ZNF385D: variants seen among roughly 807,000 people sequenced by gnomAD.
ZNF385D encodes the protein zinc finger protein 659.
ZNF385D carries 15 observed loss-of-function variants against 35.8 expected under a neutral mutation model. The ratio of observed to expected loss-of-function variants is 0.42; its 90% CI spans 0.28 to 0.64. ZNF385D has a LOEUF of 0.64. ZNF385D is among the 30% of genes least tolerant of loss of function. ZNF385D has a pLI of 0.23. For synonymous variants in ZNF385D, 212 were observed against 186.8 expected, an observed-to-expected ratio of 1.13 and a Z score of -1.10; for missense variants, 474 against 494.6, an observed-to-expected ratio of 0.96 and a Z score of 0.39.
chr3:21,820,067 G>A (rs1005841921), intron 3 of ZNF385D, among the ~76,000 whole-genome samples: 38 of 151,104 alleles, frequency 2.5e-4, no homozygotes, highest in Admixed American at 5.3e-4. Flanking sequence ...TAAAATATGT[G>A]AATAAAATAT....
At chr3:21,533,668 G>A (rs973284450) in intron 3 of ZNF385D, among the ~76,000 whole-genome samples, 14 of 152,038 alleles carry the variant, frequency 9.2e-5, no homozygotes, top group Non-Finnish European at 1.6e-4. Flanking sequence ...GATTAGAAAG[G>A]AAGAGACAGA....
chr3:21,887,755 G>C (rs1324456321), intron 3 of ZNF385D, among the ~76,000 whole-genome samples: 1 of 152,084 alleles, frequency 6.6e-6, no homozygotes, highest in African/African-American at 2.4e-5. Context: ...GCTCTAGGGA[G>C]TCTTAAATAA....
intron 2 of ZNF385D, among the ~76,000 whole-genome samples, chr3:21,607,049 C>T (rs1332350042): frequency 6.6e-6 from 1 of 152,166 alleles, no homozygotes; most frequent in Non-Finnish European, 1.5e-5. Context: ...TTCTGAGGCA[C>T]TTACAGAGTA....
At chr3:22,372,631 T>A in exon 2 of ZNF385D, 2 of 444,696 alleles carry the variant, frequency 4.5e-6, no homozygotes, top group Non-Finnish European at 6.0e-6. Flanking sequence ...ACGGCGGTGG[T>A]CGCCGCGAGC....
intron 3 of ZNF385D, among the ~76,000 whole-genome samples, chr3:21,554,871 A>G (rs1024808192): frequency 1.3e-5 from 2 of 152,186 alleles, no homozygotes; most frequent in African/African-American, 4.8e-5. Context: ...TCATAGAATT[A>G]AAGAGAGTTA....
At chr3:21,938,027 A>C (rs781116842) in intron 3 of ZNF385D, among the ~76,000 whole-genome samples, 4 of 152,200 alleles carry the variant, frequency 2.6e-5, no homozygotes, top group Non-Finnish European at 5.9e-5. Context: ...CGAAATCTCT[A>C]CGTAACAAAG....
At chr3:21,430,370 CAG>C (rs1701237227) in intron 5 of ZNF385D, among the ~76,000 whole-genome samples, 1 of 152,010 alleles carries the variant, frequency 6.6e-6, no homozygotes, top group Non-Finnish European at 1.5e-5. Context: ...AAGTCTAAAA[CAG>C]AGGAAAAAAT....
intron 2 of ZNF385D, among the ~76,000 whole-genome samples, chr3:22,207,476 C>A (rs781644960): frequency 2.0e-5 from 3 of 151,920 alleles, no homozygotes; most frequent in Non-Finnish European, 4.4e-5. Context: ...AGACCTCAAA[C>A]CATGAAACTA....
intron 3 of ZNF385D, among the ~76,000 whole-genome samples, chr3:21,531,190 A>G (rs2061913920): frequency 6.6e-6 from 1 of 152,016 alleles, no homozygotes; most frequent in African/African-American, 2.4e-5. Flanking sequence ...AAAAAAGGCA[A>G]ATTAAAACAA....
chr3:21,939,037 G>T (rs1701392512), intron 3 of ZNF385D, among the ~76,000 whole-genome samples: 1 of 152,158 alleles, frequency 6.6e-6, no homozygotes, highest in South Asian at 2.1e-4. Context: ...TCACATTGAT[G>T]GGGCAGGTTT....
chr3:22,201,124 T>C (rs1378521327), intron 2 of ZNF385D, among the ~76,000 whole-genome samples: 1 of 152,140 alleles, frequency 6.6e-6, no homozygotes, highest in Non-Finnish European at 1.5e-5. Context: ...TAAGTGTCCA[T>C]GAAATCTTTA....
At chr3:21,699,900 T>G (rs2067615513) in intron 1 of ZNF385D, among the ~76,000 whole-genome samples, 2 of 150,388 alleles carry the variant, frequency 1.3e-5, no homozygotes, top group South Asian at 4.3e-4. Context: ...GGTGCGATCT[T>G]GGCTCACTAC....
intron 3 of ZNF385D, among the ~76,000 whole-genome samples, chr3:22,027,148 T>C (rs1343381607): frequency 6.6e-6 from 1 of 152,220 alleles, no homozygotes; most frequent in Non-Finnish European, 1.5e-5. Context: ...CAGATACTCC[T>C]TCTAAGGTGA....
intron 3 of ZNF385D, among the ~76,000 whole-genome samples, chr3:21,773,628 C>T (rs1241455676): frequency 6.6e-6 from 1 of 151,918 alleles, no homozygotes; most frequent in African/African-American, 2.4e-5. Flanking sequence ...ACAGACACTT[C>T]TCAAAAGACT....
Position 22,301,387 on chromosome 3 carries a change from T to C in ZNF385D, c.106+71063A>G, listed in dbSNP as rs191101725. 1.5e-4 allele frequency among the ~76,000 whole-genome samples: 23 copies of C among 152,156 alleles called. No individual in the cohort carries two copies. The East Asian group carries it at 4.4e-3, about 29-fold the overall frequency. Reference sequence around the variant, plus strand: ...AGATGGTGACTATAGTTAATAACAATGTATTGTATTCTTAAAAATTGCGAG... The same window carrying C: ...AGATGGTGACTATAGTTAATAACAACGTATTGTATTCTTAAAAATTGCGAG... On this transcript the variant is annotated intron_variant, in intron 2 of 5. Transcript: ENST00000494108.
chr3:21,934,792 A>T (rs1183632470), intron 3 of ZNF385D, among the ~76,000 whole-genome samples: 5 of 152,238 alleles, frequency 3.3e-5, no homozygotes, highest in Non-Finnish European at 7.3e-5. Flanking sequence ...CTGTACTAAC[A>T]GATGAGCTTG....
chr3:22,132,369 C>T (rs1164919092), intron 3 of ZNF385D, among the ~76,000 whole-genome samples: 2 of 152,130 alleles, frequency 1.3e-5, no homozygotes, highest in African/African-American at 4.8e-5. Flanking sequence ...TCCCAGCCTT[C>T]AGAACTGAGA....
rs537084359 is a variant in ZNF385D, at chr3:21,567,389, A to ATTAT, written c.166-2709_166-2706dup. On this transcript the variant is annotated intron_variant, in intron 2 of 7. Coordinates refer to ENST00000281523, the MANE Select transcript of ZNF385D (RefSeq NM_024697.3). ...GCTTCTAAACCTTCCTCAATCTTTT[A>ATTAT]TTATTTCCCCAGAACCAAAATTAAC... Among the ~76,000 whole-genome samples, 364 of 152,156 alleles carry ATTAT rather than the reference A, an allele frequency of 2.4e-3. 3 individuals are homozygous for ATTAT. In the Middle Eastern group the frequency reaches 0.031, roughly 13 times the overall value.
chr3:21,665,050 G>A, intron 1 of ZNF385D, 22 bp from the exon 2 acceptor site: 1 of 1,574,840 alleles, frequency 6.3e-7, no homozygotes, highest in South Asian at 1.2e-5. Flanking sequence ...AGAGCAAAGG[G>A]AGCAATCAGG....
Sources: gnomAD v4.1 joint callset for allele counts (sites outside exome capture counted in the v4.1 genomes callset) on GRCh38, gnomAD v4.1.1 for gene constraint, MANE v1.5 for transcripts, NCBI Gene and HGNC (gene_info 2026-07-23, HGNC 2026-07-21) for gene names.